The following AFDN variants were observed in gnomAD, a reference collection of about 807,000 sequenced individuals.
AFDN encodes the protein afadin, adherens junction formation factor.
A neutral mutation model predicts 216.6 loss-of-function variants in AFDN; 68 were observed. The ratio of observed to expected loss-of-function variants is 0.31; its 90% CI spans 0.26 to 0.38. AFDN has a LOEUF of 0.38. AFDN is among the 10% of genes least tolerant of loss of function. AFDN has a pLI of 1.00. For synonymous variants in AFDN, 868 were observed against 853.7 expected, an observed-to-expected ratio of 1.02 and a Z score of -0.29; for missense variants, 2,136 against 2,342.0, an observed-to-expected ratio of 0.91 and a Z score of 1.82.
At position 167,892,645 on chromosome 6, in the gene AFDN, A is replaced by G. The variant is rs370647420; in HGVS notation, c.1178-1217A>G. 7.9e-4 allele frequency among the ~76,000 whole-genome samples: 121 copies of G among 152,328 alleles called. No individual in the cohort carries two copies. In the Middle Eastern group the frequency reaches 0.01, roughly 13 times the overall value. On this transcript the variant is annotated intron_variant, in intron 8 of 33. Coordinates refer to ENST00000683244, the MANE Select transcript of AFDN (RefSeq NM_001386888.1). ...ATTCATTCATTCACGCATGCATTTG[A>G]TAAATATTGATTGAATACTTGTGTG...
chr6:167,951,788 G>T lies in AFDN; in HGVS notation c.4434G>T (p.Gln1478His), dbSNP rs1796015560. ...QMKPEKPSTL[Q>H]RPQETVIREL... ...AGCCCGAAAAGCCTTCCACACTCCA[G>T]CGGCCACAGGAAACAGTCATTCGGG... The change falls in exon 30 of 34, where the codon CAG (glutamine) becomes CAT (histidine). Residue 1478 changes from glutamine to histidine, a missense_variant. This residue lies in a region of AFDN where 981 missense variants were observed against 966.0 expected (regional missense o/e 1.02). Coordinates refer to ENST00000683244, the MANE Select transcript of AFDN (RefSeq NM_001386888.1). The surrounding 1 kb of genome is among the most constrained non-coding windows in gnomAD (Gnocchi z 7.1). The T allele has an allele frequency of 1.9e-6, 3 of 1,614,036 alleles. No homozygotes were observed. Among genetic ancestry groups the T allele is most frequent in the East Asian group, 4.5e-5 (2 of 44,884 alleles).
chr6:167,951,467 G>C lies in AFDN; in HGVS notation c.4113G>C (p.Leu1371=), dbSNP rs1583026334. 3.1e-6 allele frequency: 5 copies of C among 1,614,052 alleles called. No individual in the cohort carries two copies. In the South Asian group the frequency reaches 3.3e-5, roughly 11 times the overall value. The part of the protein sequence containing the change: ...VAVSQPIRTD[L]PPPPPPPPVH... ...TCTCCCAGCCAATCCGAACAGACCT[G>C]CCTCCGCCACCCCCGCCACCTCCAG... The change falls in exon 30 of 34, where the codon CTG becomes CTC. Residue 1371 remains leucine (L), a synonymous_variant. Transcript: ENST00000683244. The surrounding 1 kb of genome is among the most constrained non-coding windows in gnomAD (Gnocchi z 7.1).
Position 167,917,137 on chromosome 6 carries a change from A to C in AFDN, c.2614A>C (p.Asn872His), listed in dbSNP as rs199773265. ...TAAGTATGCACCTGATGACATTCCA[A>C]ATATAAACAGCACCTGCTTTAAGTT... ...MDKYAPDDIP[N>H]INSTCFKLNS... Residue 872 changes from asparagine (N) to histidine (H), a missense_variant, in exon 20 of 34, where the codon AAT becomes CAT. Coordinates refer to ENST00000683244, the MANE Select transcript of AFDN (RefSeq NM_001386888.1). The C allele has an allele frequency of 6.2e-7, 1 of 1,613,188 alleles. No homozygotes were observed. Among genetic ancestry groups the C allele is most frequent in the Non-Finnish European group, 8.5e-7 (1 of 1,179,796 alleles).
At chr6:167,954,882 G>T (rs1342558304) in intron 30 of AFDN, among the ~76,000 whole-genome samples, 2 of 152,066 alleles carry the variant, frequency 1.3e-5, no homozygotes, top group African/African-American at 4.8e-5. Flanking sequence ...AGCTGAAAGG[G>T]TATTGACATT....
intron 23 of AFDN, among the ~76,000 whole-genome samples, chr6:167,926,978 TTTA>T (rs1414017908): frequency 4.6e-5 from 7 of 152,192 alleles, no homozygotes; most frequent in African/African-American, 1.7e-4. Flanking sequence ...GTTACACAGG[TTTA>T]ATCCTGGAAG....
intron 21 of AFDN, among the ~76,000 whole-genome samples, chr6:167,922,360 G>A (rs150088265): frequency 6.6e-6 from 1 of 152,316 alleles, no homozygotes; most frequent in East Asian, 1.9e-4. Flanking sequence ...ACAGAGTAAT[G>A]AGGAGGACTC....
chr6:167,849,024 T>C lies in AFDN; in HGVS notation c.106-15527T>C, dbSNP rs975282204. On this transcript the variant is annotated intron_variant, in intron 1 of 33. Transcript: ENST00000683244. Reference sequence around the variant, plus strand: ...GACTTGTTTCAAAATTGCCAGAGTATGAATTCTGGCCCACTGGTATTAGCT... The same window carrying C: ...GACTTGTTTCAAAATTGCCAGAGTACGAATTCTGGCCCACTGGTATTAGCT... 2.0e-5 allele frequency among the ~76,000 whole-genome samples: 3 copies of C among 152,296 alleles called. 1 individual carries two copies.
At chr6:167,830,988 C>G (rs1779773937) in intron 1 of AFDN, among the ~76,000 whole-genome samples, 1 of 117,450 alleles carries the variant, frequency 8.5e-6, no homozygotes, top group African/African-American at 3.3e-5. Context: ...CTTGCCCAGG[C>G]TGGAGTGCAG....
Position 167,951,042 on chromosome 6 carries a change from G to T in AFDN, c.3832-144G>T. 8.0e-7 allele frequency: 1 copy of T among 1,244,284 alleles called. No homozygotes were observed. The highest frequency in any genetic ancestry group is 1.1e-6 in the Non-Finnish European group (1 of 938,608). The allele number at this position is 1,244,284 out of a possible 1,614,324, so 77.1% of individuals were successfully genotyped here. A position where few individuals can be genotyped will look rare whatever the true frequency, so the allele number is the denominator to read the frequency against. On this transcript the variant is annotated intron_variant, in intron 29 of 33. Coordinates refer to ENST00000683244, the MANE Select transcript of AFDN (RefSeq NM_001386888.1). The surrounding 1 kb of genome is among the most constrained non-coding windows in gnomAD (Gnocchi z 7.1). The stretch of plus-strand genomic sequence containing the variant: ...ATAAATGCACTGTTACTCCACATTA[G>T]CCAATGAGCCTTGTAGGGCAGTCTC...
chr6:167,911,234 C>T (rs146406186), intron 14 of AFDN, 50 bp from the exon 15 acceptor site: 9 of 1,600,192 alleles, frequency 5.6e-6, no homozygotes, highest in African/African-American at 2.7e-5. Flanking sequence ...TTTTCACATT[C>T]GTTTTTATTC....
chr6:167,915,273 A>C lies in AFDN; in HGVS notation c.2405A>C (p.Asn802Thr). ...TTCTCTCAGCTCTTCCACTTCATCA[A>C]TATGTGGCTGTTCAATAGATTGGTG... ...QLFSQLFHFI[N>T]MWLFNRLVTD... The change falls in exon 19 of 34, where the codon AAT becomes ACT. Residue 802 changes from asparagine to threonine, a missense_variant. Physicochemically the swap from Asn to Thr is moderately conservative, Grantham distance 65. Coordinates refer to ENST00000683244, the MANE Select transcript of AFDN (RefSeq NM_001386888.1). 6.2e-7 allele frequency: 1 copy of C among 1,614,208 alleles called. No homozygotes were observed. Among genetic ancestry groups the C allele is most frequent in the Non-Finnish European group, 8.5e-7 (1 of 1,180,040 alleles).
chr6:167,838,873 T>C (rs555906982), intron 1 of AFDN, among the ~76,000 whole-genome samples: 46 of 152,354 alleles, frequency 3.0e-4, no homozygotes, highest in East Asian at 1.5e-3. Flanking sequence ...CTACCTGATA[T>C]TGTGATGAGA....
At chr6:167,838,314 A>C (rs1042689129) in intron 1 of AFDN, among the ~76,000 whole-genome samples, 1 of 56,160 alleles carries the variant, frequency 1.8e-5, no homozygotes, top group African/African-American at 6.5e-5. Context: ...GTGCCTGCTC[A>C]TGCCATCTCG....
At chr6:167,849,254 G>A (rs774780972) in intron 1 of AFDN, among the ~76,000 whole-genome samples, 7 of 152,102 alleles carry the variant, frequency 4.6e-5, no homozygotes, top group Non-Finnish European at 1.0e-4. Flanking sequence ...ATTAGTATTT[G>A]TGGGTTTTTT....
At chr6:167,898,807 A>G (rs1788597022) in intron 11 of AFDN, among the ~76,000 whole-genome samples, 1 of 152,172 alleles carries the variant, frequency 6.6e-6, no homozygotes, top group Non-Finnish European at 1.5e-5. Context: ...AAATTTTTTG[A>G]AGTATTCTTT....
chr6:167,870,101 CT>C (rs1784630822), intron 2 of AFDN, among the ~76,000 whole-genome samples: 1 of 152,246 alleles, frequency 6.6e-6, no homozygotes, highest in African/African-American at 2.4e-5. Flanking sequence ...ACCATGTATA[CT>C]TTTTTTCTTA....
chr6:167,926,001 G>A (rs1460486125), intron 23 of AFDN, among the ~76,000 whole-genome samples: 1 of 152,172 alleles, frequency 6.6e-6, no homozygotes, highest in Non-Finnish European at 1.5e-5. Context: ...CTGTTACATA[G>A]CAATATGATA....
chr6:167,944,433 A>T (rs1162161194), intron 26 of AFDN, among the ~76,000 whole-genome samples: 1 of 152,114 alleles, frequency 6.6e-6, no homozygotes, highest in Non-Finnish European at 1.5e-5. Flanking sequence ...TTCAGTTTTG[A>T]TAGGCAGACT....
At chr6:167,919,807 C>G (rs1161899978) in intron 21 of AFDN, among the ~76,000 whole-genome samples, 1 of 152,174 alleles carries the variant, frequency 6.6e-6, no homozygotes, top group Non-Finnish European at 1.5e-5. Flanking sequence ...TAGAAAACAG[C>G]TCAGATGAGT....
Sources: allele counts gnomAD v4.1 joint callset (sites outside exome capture counted in the v4.1 genomes callset), GRCh38; gene constraint gnomAD v4.1.1; regional missense constraint gnomAD v4.1.1; non-coding constraint Gnocchi (gnomAD v3.1); transcripts MANE v1.5; gene names NCBI Gene and HGNC (gene_info 2026-07-23, HGNC 2026-07-21).